The following KDM4C variants were observed in gnomAD, a reference collection of about 807,000 sequenced individuals.
KDM4C encodes the protein lysine demethylase 4C, also known as lysine-specific demethylase 4C.
Under a neutral mutation model 129.3 loss-of-function variants are expected in KDM4C, and 81 were observed. The ratio of observed to expected loss-of-function variants is 0.63; its 90% confidence interval spans 0.52 to 0.75. KDM4C has a LOEUF of 0.75. Ranked by LOEUF, KDM4C falls within the 30% of genes least tolerant of loss-of-function variation. The pLI is 0.00. For missense variants in KDM4C, 1,457 were observed against 1,304.0 expected (o/e 1.12, Z -1.81); for synonymous variants, 573 against 456.1 (o/e 1.26, Z -3.26).
chr9:7,147,074 C>A (rs529311084), intron 19 of KDM4C, among the ~76,000 whole-genome samples: 7 of 152,326 alleles, frequency 4.6e-5, no homozygotes, highest in Non-Finnish European at 1.0e-4. Context: ...GTTCTCTTCT[C>A]TCATTCTCCC....
At chr9:7,144,442 G>A (rs1360355078) in intron 19 of KDM4C, among the ~76,000 whole-genome samples, 3 of 152,198 alleles carry the variant, frequency 2.0e-5, no homozygotes, top group Non-Finnish European at 4.4e-5. Context: ...GAAATGCAAG[G>A]TTAAATTATA....
chr9:6,770,984 C>T (rs915954961), intron 1 of KDM4C, among the ~76,000 whole-genome samples: 8 of 150,908 alleles, frequency 5.3e-5, no homozygotes, highest in African/African-American at 1.9e-4. Context: ...CCATATTGGC[C>T]AAGCTGGTCT....
intron 1 of KDM4C, among the ~76,000 whole-genome samples, chr9:6,785,131 G>A (rs1825196235): frequency 6.6e-6 from 1 of 152,192 alleles, no homozygotes; most frequent in Admixed American, 6.5e-5. Flanking sequence ...TCCTGTCACA[G>A]TTCTGGAGGC....
chr9:6,868,109 C>T (rs1279735049), intron 5 of KDM4C, among the ~76,000 whole-genome samples: 1 of 151,976 alleles, frequency 6.6e-6, no homozygotes, highest in Non-Finnish European at 1.5e-5. Context: ...AGCTTTCTCG[C>T]ACCAAACCCT....
At chr9:6,743,931 T>G (rs1478512438) in intron 1 of KDM4C, among the ~76,000 whole-genome samples, 1 of 147,036 alleles carries the variant, frequency 6.8e-6, no homozygotes, top group Non-Finnish European at 1.5e-5. Context: ...TTTTTTTTTT[T>G]GAAATAAGGT....
chr9:7,016,769 A>G (rs1823775042), intron 15 of KDM4C, among the ~76,000 whole-genome samples: 1 of 152,128 alleles, frequency 6.6e-6, no homozygotes. Context: ...AGGAAGCTGC[A>G]GGGACTGTCA....
At chr9:6,880,097 T>A (rs768425327) in intron 6 of KDM4C, 36 bp downstream of exon 6, 1 of 1,416,984 alleles carries the variant, frequency 7.1e-7, no homozygotes, top group South Asian at 1.2e-5. Flanking sequence ...TTCTGTGTTT[T>A]ATATGTTTCT....
chr9:6,759,746 A>C (rs1360766435), intron 1 of KDM4C, among the ~76,000 whole-genome samples: 3 of 152,040 alleles, frequency 2.0e-5, no homozygotes, highest in Admixed American at 6.6e-5. Context: ...TGAGGTCAGG[A>C]GTTCAAGACC....
At chr9:6,811,195 C>G (rs1214667799) in intron 3 of KDM4C, among the ~76,000 whole-genome samples, 3 of 152,008 alleles carry the variant, frequency 2.0e-5, no homozygotes, top group East Asian at 1.9e-4. Context: ...GCTCTGTTGC[C>G]CAGGATGGAG....
intron 4 of KDM4C, among the ~76,000 whole-genome samples, chr9:6,841,527 A>G (rs1473529293): frequency 6.6e-6 from 1 of 152,214 alleles, no homozygotes; most frequent in Non-Finnish European, 1.5e-5. Context: ...AATCGTGTGT[A>G]TCAGTTTATC....
intron 15 of KDM4C, among the ~76,000 whole-genome samples, chr9:7,026,455 C>G (rs1825836015): frequency 6.6e-6 from 1 of 152,096 alleles, no homozygotes; most frequent in Non-Finnish European, 1.5e-5. Context: ...GCCAGACAGA[C>G]ATATTTGGAG....
At chr9:7,127,808 T>C (rs1840180217) in intron 18 of KDM4C, 2 of 320,468 alleles carry the variant, frequency 6.2e-6, no homozygotes, top group Non-Finnish European at 1.1e-5. Flanking sequence ...TCTCTCTCTT[T>C]GTATATGCAT....
At chr9:7,038,066 A>G (rs1476759539) in intron 15 of KDM4C, among the ~76,000 whole-genome samples, 1 of 152,134 alleles carries the variant, frequency 6.6e-6, no homozygotes, top group East Asian at 1.9e-4. Flanking sequence ...GAAAGAAGTT[A>G]TAGTACACTG....
At chr9:6,838,252 G>C (rs778326864) in intron 4 of KDM4C, among the ~76,000 whole-genome samples, 1 of 152,100 alleles carries the variant, frequency 6.6e-6, no homozygotes, top group Non-Finnish European at 1.5e-5. Flanking sequence ...CTCAATATTA[G>C]TGGTCCTGCT....
In KDM4C at chr9:7,077,178, A is replaced by G. The variant is rs10976028; in HGVS notation, c.2425-26507A>G. 579 of 985,414 alleles carry G rather than the reference A, an allele frequency of 5.9e-4. 12 individuals carry two copies. The East Asian group carries it at 0.024, about 40-fold the overall frequency. The allele number at this position is 985,414 out of a possible 1,614,324, so 61.0% of individuals were successfully genotyped here. A position where few individuals can be genotyped will look rare whatever the true frequency, so the allele number is the denominator to read the frequency against. On this transcript the variant is annotated intron_variant, in intron 17 of 21. Coordinates refer to ENST00000381309, the MANE Select transcript of KDM4C (RefSeq NM_015061.6). The stretch of plus-strand genomic sequence containing the variant: ...CGGACCTGTTGCTGAAGCTCATGTT[A>G]TCACACATGCTGTGGGAAGAGAGGT...
In KDM4C at chr9:7,169,334, A is replaced by G. The variant is rs1205144732; in HGVS notation, c.2902-464A>G. ...TTGAAATGTATTTTGTATTTAGTTT[A>G]TTTATTTATTTTTTTGTTTTGAGAC... is the stretch of plus-strand genomic sequence containing the variant. On this transcript the variant is annotated intron_variant, in intron 20 of 21. Coordinates refer to ENST00000381309, the MANE Select transcript of KDM4C (RefSeq NM_015061.6). Among the ~76,000 whole-genome samples, 5 of 152,040 alleles carry G rather than the reference A, an allele frequency of 3.3e-5. No homozygotes were observed. In the South Asian group the frequency reaches 8.3e-4, roughly 25 times the overall value.
At chr9:6,807,891 T>TG (rs1278897267) in intron 3 of KDM4C, among the ~76,000 whole-genome samples, 1 of 101,134 alleles carries the variant, frequency 9.9e-6, no homozygotes, top group African/African-American at 4.1e-5. Context: ...GGGAGGGAGG[T>TG]GGGGGTGTCA....
At chr9:7,122,722 G>A (rs10758834) in intron 18 of KDM4C, among the ~76,000 whole-genome samples, 92,419 of 151,850 alleles carry the variant, frequency 0.61, 28,354 homozygotes, top group Admixed American at 0.72. Flanking sequence ...TTTTGGCCAT[G>A]TCCCCAGCAT....
intron 13 of KDM4C, among the ~76,000 whole-genome samples, chr9:7,013,160 A>G (rs1349291887): frequency 1.3e-5 from 2 of 152,226 alleles, no homozygotes; most frequent in African/African-American, 4.8e-5. Context: ...GATTTAATAT[A>G]AAGTAATACA....
Sources: gnomAD v4.1 joint callset for allele counts (sites outside exome capture counted in the v4.1 genomes callset) on GRCh38, gnomAD v4.1.1 for gene constraint, MANE v1.5 for transcripts, NCBI Gene and HGNC (gene_info 2026-07-23, HGNC 2026-07-21) for gene names.